Variants in TP53BP1 observed in about 807,000 individuals in gnomAD.
The protein encoded by TP53BP1 is tumor protein p53 binding protein 1.
Under a neutral mutation model 200.8 loss-of-function variants are expected in TP53BP1, and 61 were observed. The observed-to-expected ratio is 0.30, with a 90% CI of 0.25 to 0.38. The LOEUF (loss-of-function observed/expected upper bound fraction) is 0.38. Among genes scored for constraint, TP53BP1 ranks in the 10% least tolerant of loss-of-function variants. The pLI is 1.00. For synonymous variants in TP53BP1, 822 were observed against 844.3 expected, an observed-to-expected ratio of 0.97 and a Z score of 0.46; for missense variants, 2,144 against 2,371.9, an observed-to-expected ratio of 0.90 and a Z score of 2.00.
rs1396132988 is a variant in TP53BP1 at position 43,421,990 on chromosome 15, C to T, written c.3965G>A (p.Ser1322Asn). The change falls in exon 19 of 28, where the codon AGT becomes AAT. Residue 1322 changes from serine (S) to asparagine (N), a missense_variant. Around this residue, in one of 4 missense-constraint regions of TP53BP1, gnomAD observed 1,700 missense variants for 1,710.3 expected, o/e 0.99. Coordinates refer to ENST00000382044, the MANE Select transcript of TP53BP1 (RefSeq NM_001141980.3). The stretch of plus-strand genomic sequence containing the variant: ...GTGCATAGCTGAGAGACTTGTCCCA[C>T]TTGATGTGCGGTGTAAGCTGGATGC... Reference protein sequence around the residue: ...SKASSLHRTSSGTSLSAMHSS... With the variant: ...SKASSLHRTSNGTSLSAMHSS... 1.9e-6 allele frequency: 3 copies of T among 1,614,198 alleles called. No individual in the cohort carries two copies. Among genetic ancestry groups the T allele is most frequent in the Admixed American group, 1.7e-5 (1 of 60,024 alleles).
chr15:43,492,921 C>A, intron 1 of TP53BP1, 116 bp downstream of exon 1: 1 of 1,354,862 alleles, frequency 7.4e-7, no homozygotes, highest in East Asian at 2.5e-5. Flanking sequence ...CCTCCAACCC[C>A]TTCCCCGTCA....
At chr15:43,434,189 C>T (rs2045738020) in intron 16 of TP53BP1, among the ~76,000 whole-genome samples, 1 of 151,998 alleles carries the variant, frequency 6.6e-6, no homozygotes, top group Admixed American at 6.5e-5. Context: ...CAGGAGACAC[C>T]TACCATGAGT....
chr15:43,506,639 G>C (rs760896234), intron 1 of TP53BP1, among the ~76,000 whole-genome samples: 10 of 152,212 alleles, frequency 6.6e-5, no homozygotes, highest in Non-Finnish European at 1.2e-4. Context: ...CAAGACTGTG[G>C]AAGAAGCTAC....
rs1391914569 is a variant in TP53BP1 at position 43,404,998 on chromosome 15, A to G, written c.*2385T>C. 4 of 590,738 alleles carry G rather than the reference A, an allele frequency of 6.8e-6. No homozygotes were observed. The highest frequency in any genetic ancestry group is 6.6e-5 in the Admixed American group (2 of 30,522). The allele number at this position is 590,738 out of a possible 1,614,324, so 36.6% of individuals were successfully genotyped here. A position where few individuals can be genotyped will look rare whatever the true frequency, so the allele number is the denominator to read the frequency against. ...GGCTTCCCAGAGGTCTGTCATTCCCATTCAGAAAATCACTTCATTGTCCTT... is the reference window on the plus strand; with the variant it reads ...GGCTTCCCAGAGGTCTGTCATTCCCGTTCAGAAAATCACTTCATTGTCCTT... On this transcript the variant is annotated 3_prime_UTR_variant, in exon 28 of 28. Coordinates refer to ENST00000382044, the MANE Select transcript of TP53BP1 (RefSeq NM_001141980.3).
intron 18 of TP53BP1, among the ~76,000 whole-genome samples, chr15:43,425,135 C>T (rs1467187363): frequency 6.6e-6 from 1 of 152,170 alleles, no homozygotes; most frequent in Admixed American, 6.5e-5. Flanking sequence ...CCTTGGACTT[C>T]CCAGCCTCCT....
intron 1 of TP53BP1, among the ~76,000 whole-genome samples, chr15:43,505,485 T>C (rs1385699725): frequency 6.6e-6 from 1 of 152,174 alleles, no homozygotes. Context: ...ATGGTATTGA[T>C]AAATTATTTT....
chr15:43,408,168 A>G, intron 26 of TP53BP1, 80 bp from the exon 27 acceptor site: 1 of 1,391,030 alleles, frequency 7.2e-7, no homozygotes, highest in South Asian at 1.3e-5. Flanking sequence ...ACTCATGTAC[A>G]TCTGAATGCT....
rs555872185 is a variant in TP53BP1, at chr15:43,471,383, TAAC to T, written c.1181-1320_1181-1318del. On this transcript the variant is annotated intron_variant, in intron 10 of 27. Transcript: ENST00000382044. Reference sequence around the variant, plus strand: ...TATTTTCATTAATTTCCTATATACTTAACAAACTTTCTACAATAAATATTGACT... The same window carrying T: ...TATTTTCATTAATTTCCTATATACTTAAACTTTCTACAATAAATATTGACT... 3.3e-5 allele frequency among the ~76,000 whole-genome samples: 5 copies of T among 152,278 alleles called. No homozygotes were observed. The East Asian group carries it at 9.6e-4, about 29-fold the overall frequency.
chr15:43,420,716 G>C lies in TP53BP1; in HGVS notation c.4270C>G (p.Pro1424Ala), dbSNP rs200611664. The C allele has an allele frequency of 3.2e-5, 51 of 1,613,732 alleles. No homozygotes were observed. The East Asian group carries it at 1.1e-3, about 35-fold the overall frequency. ...GGTGAAATGTCCTCTATGCCCAAGG[G>C]GCCAGGCACAGCTGTTTCTCTAAAG... ...TGTRETAVPG[P>A]LGIEDISPNL... The change falls in exon 21 of 28, where the codon CCC (proline) becomes GCC (alanine). Residue 1424 changes from proline to alanine, a missense_variant. Physicochemically the swap from Pro to Ala is conservative, Grantham distance 27 (BLOSUM62 -1). Coordinates refer to ENST00000382044, the MANE Select transcript of TP53BP1 (RefSeq NM_001141980.3).
intron 25 of TP53BP1, chr15:43,409,318 C>T (rs2045034218): frequency 5.1e-6 from 3 of 591,814 alleles, no homozygotes; most frequent in Non-Finnish European, 9.0e-6. Flanking sequence ...GGACCTAAAT[C>T]CTCAACGGAC....
intron 4 of TP53BP1, among the ~76,000 whole-genome samples, chr15:43,488,444 A>G (rs2079076244): frequency 6.6e-6 from 1 of 152,240 alleles, no homozygotes; most frequent in Non-Finnish European, 1.5e-5. Flanking sequence ...TGTGGCTATA[A>G]AAGGGCAACA....
At chr15:43,442,608 A>T (rs1350198270) in intron 14 of TP53BP1, among the ~76,000 whole-genome samples, 1 of 150,598 alleles carries the variant, frequency 6.6e-6, no homozygotes, top group Non-Finnish European at 1.5e-5. Flanking sequence ...AGCGATTCTC[A>T]TGCCTCACCC....
intron 1 of TP53BP1, among the ~76,000 whole-genome samples, chr15:43,509,330 C>T (rs1208969692): frequency 6.6e-6 from 1 of 152,054 alleles, no homozygotes; most frequent in African/African-American, 2.4e-5. Context: ...TTTTCAGGGC[C>T]ATGTCCAAAT....
rs147150117 is a variant in TP53BP1 at position 43,498,945 on chromosome 15, GA to G, written c.-8-6478del. 6.1e-3 allele frequency among the ~76,000 whole-genome samples: 926 copies of G among 151,742 alleles called. 11 individuals carry two copies. The highest frequency in any genetic ancestry group is 0.021 in the African/African-American group (858 of 41,450). ...AGAAGGAATATACTTAGAGACTATG[GA>G]AACTGCCAGAAATCAGACCCAGGAT... On this transcript the variant is annotated intron_variant, in intron 1 of 27. Coordinates refer to the TP53BP1 transcript ENST00000263801.
intron 12 of TP53BP1, among the ~76,000 whole-genome samples, chr15:43,453,973 G>A (rs1280303575): frequency 2.0e-5 from 3 of 152,122 alleles, no homozygotes; most frequent in Non-Finnish European, 4.4e-5. Context: ...TTTGGAGGCC[G>A]AGGAAGGCAG....
chr15:43,431,899 T>G (rs910208933), intron 17 of TP53BP1, among the ~76,000 whole-genome samples: 1 of 152,194 alleles, frequency 6.6e-6, no homozygotes, highest in Non-Finnish European at 1.5e-5. Flanking sequence ...AAAGAGTGAA[T>G]GTAGAAGAGT....
At chr15:43,434,505 C>T (rs558599972) in intron 16 of TP53BP1, among the ~76,000 whole-genome samples, 1 of 152,278 alleles carries the variant, frequency 6.6e-6, no homozygotes, top group Admixed American at 6.5e-5. Flanking sequence ...TCTATGTCCC[C>T]TCCACCCCAA....
chr15:43,473,891 G>T (rs1204531158), intron 10 of TP53BP1, among the ~76,000 whole-genome samples: 2 of 152,248 alleles, frequency 1.3e-5, no homozygotes, highest in African/African-American at 4.8e-5. Context: ...AGCCCTTTGG[G>T]TGGTCGATGG....
At chr15:43,433,785 A>T (rs1183303981) in intron 16 of TP53BP1, among the ~76,000 whole-genome samples, 2 of 152,230 alleles carry the variant, frequency 1.3e-5, no homozygotes, top group African/African-American at 4.8e-5. Context: ...CTCAGAAGGT[A>T]ACATGAAGGA....
Sources: allele counts gnomAD v4.1 joint callset (sites outside exome capture counted in the v4.1 genomes callset), GRCh38; gene constraint gnomAD v4.1.1; regional missense constraint gnomAD v4.1.1; transcripts MANE v1.5; gene names NCBI Gene and HGNC (gene_info 2026-07-23, HGNC 2026-07-21).